Variants in SHROOM3 observed in about 807,000 individuals in gnomAD.
SHROOM3 encodes the protein shroom family member 3.
In SHROOM3, 47 loss-of-function variants were observed where a neutral mutation model predicts 138.6. That is an observed-to-expected ratio of 0.34 (90% CI 0.27 to 0.43). The LOEUF (loss-of-function observed/expected upper bound fraction) is 0.43. SHROOM3 is among the 20% of genes least tolerant of loss of function. SHROOM3 has a pLI of 1.00. For missense variants in SHROOM3, 2,491 were observed against 2,596.5 expected, an observed-to-expected ratio of 0.96 and a Z score of 0.88; for synonymous variants, 1,062 against 1,063.3, an observed-to-expected ratio of 1.00 and a Z score of 0.02.
At chr4:76,681,211 C>G (rs1719181755) in intron 2 of SHROOM3, among the ~76,000 whole-genome samples, 1 of 152,170 alleles carries the variant, frequency 6.6e-6, no homozygotes. Flanking sequence ...TTCCTCCCCT[C>G]CTCTTAGTTA....
chr4:76,478,463 A>G (rs1731535281), intron 1 of SHROOM3, among the ~76,000 whole-genome samples: 2 of 152,258 alleles, frequency 1.3e-5, no homozygotes, highest in African/African-American at 2.4e-5. Context: ...TCTGAAAGAA[A>G]GGCAGAAGCC....
intron 2 of SHROOM3, among the ~76,000 whole-genome samples, chr4:76,668,022 G>A (rs1718760524): frequency 6.7e-6 from 1 of 150,318 alleles, no homozygotes; most frequent in Admixed American, 6.6e-5. Context: ...CAGGGTGCGG[G>A]GAGGGAGCAC....
intron 1 of SHROOM3, among the ~76,000 whole-genome samples, chr4:76,459,851 CA>C (rs1240327465): frequency 3.9e-5 from 6 of 152,108 alleles, no homozygotes; most frequent in Non-Finnish European, 5.9e-5. Flanking sequence ...CAGTTGATAC[CA>C]AAATAACCTG....
chr4:76,749,896 C>G (rs1214393833), intron 6 of SHROOM3, among the ~76,000 whole-genome samples: 1 of 152,158 alleles, frequency 6.6e-6, no homozygotes, highest in African/African-American at 2.4e-5. Flanking sequence ...ACAGAGTTAT[C>G]TACTATAATC....
rs1253363276 is a variant in SHROOM3, at chr4:76,782,190, T to C, written c.*3013T>C. 1 of 152,208 alleles carries C rather than the reference T, an allele frequency of 6.6e-6. No homozygotes were observed. The highest frequency in any genetic ancestry group is 1.5e-5 in the Non-Finnish European group (1 of 68,042). 9.4% of individuals were successfully genotyped at this position (152,208 alleles called of 1,614,324 possible). ...CAAAGAATGAAGGGAGGATCCACAG[T>C]GAAAGTGCCTGAGTTTCTCTATGAG... On this transcript the variant is annotated 3_prime_UTR_variant, in exon 11 of 11. Coordinates refer to ENST00000296043, the MANE Select transcript of SHROOM3 (RefSeq NM_020859.4).
intron 1 of SHROOM3, among the ~76,000 whole-genome samples, chr4:76,443,422 A>G (rs1730738233): frequency 6.6e-6 from 1 of 152,270 alleles, no homozygotes; most frequent in South Asian, 2.1e-4. Context: ...GAGACTTTCT[A>G]TCAATTTTTG....
At chr4:76,612,819 AG>A in intron 2 of SHROOM3, among the ~76,000 whole-genome samples, 1 of 152,186 alleles carries the variant, frequency 6.6e-6, no homozygotes, top group East Asian at 1.9e-4. Flanking sequence ...ATGCTCCTGT[AG>A]TCCCAGCTAC....
chr4:76,740,046 C>A lies in SHROOM3; in HGVS notation c.1873C>A (p.Pro625Thr). ...CAAGAGATCTTCCAGGCTCTCAGAG[C>A]CCTGGGAGGGCGATTTCCAGGAAGA... is the stretch of plus-strand genomic sequence containing the variant. ...EDKRSSRLSE[P>T]WEGDFQEDHN... Residue 625 changes from proline to threonine, a missense_variant, in exon 5 of 11, where the codon CCC becomes ACC. Physicochemically the swap from Pro to Thr is conservative, Grantham distance 38. This residue lies in a region of SHROOM3 where 1,733 missense variants were observed against 1,661.6 expected (regional missense o/e 1.04). Transcript: ENST00000296043. This position sits in a 1 kb window ranked among gnomAD's most constrained non-coding sequence, Gnocchi z 4.0. 1 of 1,613,838 alleles carries A rather than the reference C, an allele frequency of 6.2e-7. No individual in the cohort carries two copies. Among genetic ancestry groups the A allele is most frequent in the African/African-American group, 1.3e-5 (1 of 75,058 alleles).
chr4:76,757,096 T>C, intron 8 of SHROOM3, 159 bp downstream of exon 8: 1 of 1,129,452 alleles, frequency 8.9e-7, no homozygotes, highest in South Asian at 1.3e-5. Flanking sequence ...GCTCTGGCAG[T>C]GAGGATGTGG....
Position 76,730,936 on chromosome 4 carries a change from G to C in SHROOM3, c.587+1G>C, listed in dbSNP as rs779185389. 6.2e-7 allele frequency: 1 copy of C among 1,614,018 alleles called. No homozygotes were observed. Among genetic ancestry groups the C allele is most frequent in the Non-Finnish European group, 8.5e-7 (1 of 1,179,968 alleles). On this transcript the variant is annotated splice_donor_variant, in intron 4 of 10. Coordinates refer to ENST00000296043, the MANE Select transcript of SHROOM3 (RefSeq NM_020859.4). LOFTEE classifies it high-confidence loss of function. ...CTTGGCACCAAAGCTACCATTCCAGGTAAGTGGCTATAGCTGAGACTGAAG... is the reference window on the plus strand; with the variant it reads ...CTTGGCACCAAAGCTACCATTCCAGCTAAGTGGCTATAGCTGAGACTGAAG...
chr4:76,603,205 T>C (rs1299332829), intron 2 of SHROOM3, among the ~76,000 whole-genome samples: 1 of 152,130 alleles, frequency 6.6e-6, no homozygotes, highest in East Asian at 1.9e-4. Context: ...GATCATGAAG[T>C]CAGGAGATCG....
rs148734361 is a variant in SHROOM3, at chr4:76,509,960, G to C, written c.169-45649G>C. Among the ~76,000 whole-genome samples the C allele has an allele frequency of 2.6e-5, 4 of 151,752 alleles. No individual in the cohort carries two copies. The East Asian group carries it at 5.8e-4, about 22-fold the overall frequency. ...TTTGCCAAAATTTAAATTATTTTTGGCAAAATTGAGCAAATATGAACACTT... is the reference window on the plus strand; with the variant it reads ...TTTGCCAAAATTTAAATTATTTTTGCCAAAATTGAGCAAATATGAACACTT... On this transcript the variant is annotated intron_variant, in intron 1 of 10. Transcript: ENST00000296043.
chr4:76,751,886 T>G (rs560549920), intron 6 of SHROOM3, among the ~76,000 whole-genome samples: 1 of 152,324 alleles, frequency 6.6e-6, no homozygotes, highest in South Asian at 2.1e-4. Flanking sequence ...TGCAGCCGTA[T>G]GAAAAACAGC....
In SHROOM3 at chr4:76,435,511, G is replaced by GT. The variant is rs1730544643; in HGVS notation, c.-541dup. Reference sequence around the variant, plus strand: ...AAATTCTGAAGTGAGCCGAAGCATAGTAAGTGCTTTCTTTCTTTTTAAGCT... The same window carrying GT: ...AAATTCTGAAGTGAGCCGAAGCATAGTTAAGTGCTTTCTTTCTTTTTAAGCT... On this transcript the variant is annotated 5_prime_UTR_variant, in exon 1 of 11. Coordinates refer to ENST00000296043, the MANE Select transcript of SHROOM3 (RefSeq NM_020859.4). 6.6e-6 allele frequency: 1 copy of GT among 152,246 alleles called. No individual in the cohort carries two copies. Among genetic ancestry groups the GT allele is most frequent in the Non-Finnish European group, 1.5e-5 (1 of 68,072 alleles). The allele number at this position is 152,246 out of a possible 1,614,324, so 9.4% of individuals were successfully genotyped here.
intron 1 of SHROOM3, among the ~76,000 whole-genome samples, chr4:76,512,833 T>C (rs1032151961): frequency 1.3e-5 from 2 of 151,962 alleles, no homozygotes; most frequent in African/African-American, 4.8e-5. Context: ...CCAACTGGGG[T>C]GAGCTTTAAG....
chr4:76,439,824 A>T (rs773506958), intron 1 of SHROOM3, among the ~76,000 whole-genome samples: 3 of 152,210 alleles, frequency 2.0e-5, no homozygotes, highest in Non-Finnish European at 4.4e-5. Flanking sequence ...GCCGTAAAGG[A>T]TCTACAAAGG....
intron 2 of SHROOM3, among the ~76,000 whole-genome samples, chr4:76,662,996 G>A (rs1718582137): frequency 6.6e-6 from 1 of 152,098 alleles, no homozygotes. Flanking sequence ...TGAGAGCCAT[G>A]TCTCTAGATT....
At chr4:76,681,625 G>GTGTGTGTGTGTGTGTATGTATGTA (rs150048957) in intron 2 of SHROOM3, among the ~76,000 whole-genome samples, 57 of 117,954 alleles carry the variant, frequency 4.8e-4, no homozygotes, top group Non-Finnish European at 7.9e-4. Flanking sequence ...GTGTGTGTGT[G>GTGTGTGTGTGTGTGTATGTATGTA]TGTGTGTGTA....
intron 1 of SHROOM3, among the ~76,000 whole-genome samples, chr4:76,546,252 C>G (rs11732047): frequency 0.077 from 11,667 of 152,178 alleles, 624 homozygotes; most frequent in East Asian, 0.17. Context: ...TGACTCCTAA[C>G]CCAGTTTACT....
Sources: gnomAD v4.1 joint callset for allele counts (sites outside exome capture counted in the v4.1 genomes callset) on GRCh38, gnomAD v4.1.1 for gene constraint, gnomAD v4.1.1 regional missense constraint, Gnocchi (gnomAD v3.1) non-coding constraint, MANE v1.5 for transcripts, NCBI Gene and HGNC (gene_info 2026-07-23, HGNC 2026-07-21) for gene names.